The following SGCZ variants were observed in gnomAD, a reference collection of about 807,000 sequenced individuals.
The protein encoded by SGCZ is sarcoglycan zeta.
Under a neutral mutation model 41.3 loss-of-function variants are expected in SGCZ, and 40 were observed. That is an observed-to-expected ratio of 0.97 (90% CI 0.75 to 1.26). The LOEUF (loss-of-function observed/expected upper bound fraction) is 1.26. Among genes scored for constraint, SGCZ ranks in the 50% most tolerant of loss-of-function variants. SGCZ has a pLI of 0.00. For missense variants in SGCZ, 552 were observed against 369.8 expected, an observed-to-expected ratio of 1.49 and a Z score of -4.04; for synonymous variants, 206 against 137.5, an observed-to-expected ratio of 1.50 and a Z score of -3.49.
intron 5 of SGCZ, among the ~76,000 whole-genome samples, chr8:14,162,266 T>C (rs952311305): frequency 2.0e-5 from 3 of 152,152 alleles, no homozygotes; most frequent in Admixed American, 6.6e-5. Flanking sequence ...TTACTTATGA[T>C]TGTAAAGTAC....
intron 3 of SGCZ, among the ~76,000 whole-genome samples, chr8:14,305,360 T>A (rs894366739): frequency 3.3e-5 from 5 of 152,170 alleles, no homozygotes; most frequent in South Asian, 4.1e-4. Context: ...ATAATGCTTA[T>A]TTTAAAACTA....
In SGCZ at chr8:14,240,232, G is replaced by A. The variant is rs190522168; in HGVS notation, c.337-2553C>T. On this transcript the variant is annotated intron_variant, in intron 3 of 7. Coordinates refer to ENST00000382080, the MANE Select transcript of SGCZ (RefSeq NM_139167.4). ...AATCCCAGCTACTCGGGAGGCTGAG[G>A]CAGGAGAATCACTTGAAGCTGGGAG... is the stretch of plus-strand genomic sequence containing the variant. Among the ~76,000 whole-genome samples, 46 of 150,760 alleles carry A rather than the reference G, an allele frequency of 3.1e-4. No individual in the cohort carries two copies. The East Asian group carries it at 8.7e-3, about 28-fold the overall frequency.
chr8:14,462,929 T>C (rs1344273538), intron 2 of SGCZ, among the ~76,000 whole-genome samples: 1 of 151,812 alleles, frequency 6.6e-6, no homozygotes, highest in Non-Finnish European at 1.5e-5. Flanking sequence ...TTAATTTCTA[T>C]TTCATTATTT....
At chr8:14,456,703 G>A (rs1800754894) in intron 2 of SGCZ, among the ~76,000 whole-genome samples, 1 of 152,062 alleles carries the variant, frequency 6.6e-6, no homozygotes, top group Admixed American at 6.6e-5. Context: ...GAATATACAT[G>A]GGATATAGTT....
chr8:14,216,418 G>C (rs568443144), intron 4 of SGCZ, among the ~76,000 whole-genome samples: 2 of 143,130 alleles, frequency 1.4e-5, no homozygotes, highest in African/African-American at 5.2e-5. Flanking sequence ...AGCGTTACTC[G>C]GATAACAAAT....
At chr8:14,381,270 A>G (rs926610880) in intron 2 of SGCZ, among the ~76,000 whole-genome samples, 4 of 152,352 alleles carry the variant, frequency 2.6e-5, no homozygotes, top group Non-Finnish European at 5.9e-5. Context: ...AATCCTTAGC[A>G]ACAGCTAGGA....
intron 1 of SGCZ, among the ~76,000 whole-genome samples, chr8:14,783,095 G>C (rs1226051213): frequency 6.6e-6 from 1 of 152,066 alleles, no homozygotes; most frequent in Non-Finnish European, 1.5e-5. Context: ...TCTAATCATA[G>C]AAAATTGCAA....
intron 5 of SGCZ, among the ~76,000 whole-genome samples, chr8:14,117,852 G>C (rs1330933595): frequency 4.0e-5 from 6 of 150,532 alleles, no homozygotes; most frequent in South Asian, 2.1e-4. Context: ...TTCTCTTCTT[G>C]TGTTCGTTTG....
chr8:14,826,149 G>A (rs1440107670), intron 1 of SGCZ, among the ~76,000 whole-genome samples: 2 of 135,384 alleles, frequency 1.5e-5, no homozygotes, highest in African/African-American at 2.8e-5. Context: ...CCTTCTCATT[G>A]TTCAATTCCC....
At chr8:15,159,744 T>A (rs192392981) in intron 1 of SGCZ, among the ~76,000 whole-genome samples, 7 of 4,988 alleles carry the variant, frequency 1.4e-3, no homozygotes, top group South Asian at 9.6e-3. Context: ...CCCCCCACCC[T>A]CCCCCCCACC....
At chr8:14,409,395 T>C (rs1336877993) in intron 2 of SGCZ, among the ~76,000 whole-genome samples, 1 of 152,130 alleles carries the variant, frequency 6.6e-6, no homozygotes, top group Non-Finnish European at 1.5e-5. Context: ...ATATTGATCG[T>C]ATCATTAAGT....
intron 1 of SGCZ, among the ~76,000 whole-genome samples, chr8:14,863,281 G>A (rs1803815178): frequency 6.6e-6 from 1 of 152,094 alleles, no homozygotes; most frequent in African/African-American, 2.4e-5. Flanking sequence ...AACTAGCTAA[G>A]AAATACAGAG....
chr8:14,902,781 C>G (rs940022502), intron 1 of SGCZ, among the ~76,000 whole-genome samples: 1 of 152,032 alleles, frequency 6.6e-6, no homozygotes, highest in Non-Finnish European at 1.5e-5. Flanking sequence ...CTGGGGAGGT[C>G]AGTTACCTTA....
intron 1 of SGCZ, among the ~76,000 whole-genome samples, chr8:14,951,416 G>C (rs1286548848): frequency 1.3e-5 from 2 of 151,928 alleles, no homozygotes; most frequent in East Asian, 1.9e-4. Flanking sequence ...GTAGAGGAAG[G>C]AAAGAGGCTA....
At chr8:15,067,350 G>C (rs376246484) in intron 1 of SGCZ, among the ~76,000 whole-genome samples, 1 of 152,106 alleles carries the variant, frequency 6.6e-6, no homozygotes, top group East Asian at 1.9e-4. Context: ...GGTCTAAAAA[G>C]CCATGTGTTT....
At chr8:14,656,091 G>T (rs1278682022) in intron 1 of SGCZ, among the ~76,000 whole-genome samples, 1 of 151,962 alleles carries the variant, frequency 6.6e-6, no homozygotes, top group Non-Finnish European at 1.5e-5. Context: ...TATGAACGTT[G>T]TTTTTATTTC....
chr8:14,671,561 A>G, intron 1 of SGCZ, among the ~76,000 whole-genome samples: 1 of 152,204 alleles, frequency 6.6e-6, no homozygotes, highest in Non-Finnish European at 1.5e-5. Context: ...CTGTACTGCA[A>G]ACTTTACTTC....
At chr8:14,652,560 C>T (rs1034902351) in intron 1 of SGCZ, among the ~76,000 whole-genome samples, 1 of 151,920 alleles carries the variant, frequency 6.6e-6, no homozygotes, top group East Asian at 1.9e-4. Flanking sequence ...ATTCCGACAG[C>T]AAGAATTTAG....
chr8:14,260,065 C>G lies in SGCZ; in HGVS notation c.337-22386G>C, dbSNP rs550573673. Among the ~76,000 whole-genome samples, 3 of 152,208 alleles carry G rather than the reference C, an allele frequency of 2.0e-5. No individual in the cohort carries two copies. The East Asian group carries it at 5.8e-4, about 29-fold the overall frequency. On this transcript the variant is annotated intron_variant, in intron 3 of 7. Transcript: ENST00000382080. ...GTTGGATTCCTAGGTATTTTCTTCT[C>G]TTTGAAGCAATTGTGAATGGGAGTT...
Sources: allele counts gnomAD v4.1 joint callset (sites outside exome capture counted in the v4.1 genomes callset), GRCh38; gene constraint gnomAD v4.1.1; transcripts MANE v1.5; gene names NCBI Gene and HGNC (gene_info 2026-07-23, HGNC 2026-07-21).